The following DMXL2 variants were observed in gnomAD, a reference collection of about 807,000 sequenced individuals.
DMXL2 encodes dmX-like protein 2.
In DMXL2, 103 loss-of-function variants were observed where a neutral mutation model predicts 331.1. The observed-to-expected ratio is 0.31, with a 90% CI of 0.27 to 0.37. The LOEUF (loss-of-function observed/expected upper bound fraction) is 0.37, where lower values mean the gene tolerates loss of function less well. DMXL2 is among the 10% of genes least tolerant of loss of function. DMXL2 has a pLI of 1.00. For missense variants in DMXL2, 3,171 were observed against 3,642.9 expected, an observed-to-expected ratio of 0.87 and a Z score of 3.33; for synonymous variants, 1,281 against 1,252.1, an observed-to-expected ratio of 1.02 and a Z score of -0.49.
chr15:51,471,407 T>C lies in DMXL2; in HGVS notation c.7214-6A>G. 6.3e-7 allele frequency: 1 copy of C among 1,576,028 alleles called. No individual in the cohort carries two copies. The highest frequency in any genetic ancestry group is 8.6e-7 in the Non-Finnish European group (1 of 1,159,392). On this transcript the variant is annotated splice_polypyrimidine_tract_variant and splice_region_variant and intron_variant, in intron 28 of 43. Coordinates refer to ENST00000560891, the MANE Select transcript of DMXL2 (RefSeq NM_001378457.1). ...TTCAGAAAGGACAGGAGGTGCTAAATGAAGATAGAAGGAAAAAAAAATCTA... is the reference window on the plus strand; with the variant it reads ...TTCAGAAAGGACAGGAGGTGCTAAACGAAGATAGAAGGAAAAAAAAATCTA...
In DMXL2 at chr15:51,517,184, C is replaced by T. The variant is rs755252504; in HGVS notation, c.2437-17G>A. The T allele has an allele frequency of 5.7e-6, 9 of 1,588,684 alleles. No homozygotes were observed. Among genetic ancestry groups the T allele is most frequent in the Non-Finnish European group, 6.9e-6 (8 of 1,157,136 alleles). ...AATAAGTTTCTGTAAATAAAAAACA[C>T]AAAATGTTAATGGCCAACAAATTAT... On this transcript the variant is annotated splice_polypyrimidine_tract_variant and intron_variant, in intron 13 of 43. Coordinates refer to ENST00000560891, the MANE Select transcript of DMXL2 (RefSeq NM_001378457.1).
Position 51,538,435 on chromosome 15 carries a change from C to G in DMXL2, c.1123G>C (p.Val375Leu), listed in dbSNP as rs760288041. Residue 375 changes from valine (V) to leucine (L), a missense_variant, in exon 10 of 44, where the codon GTT (valine) becomes CTT (leucine). Transcript: ENST00000560891. The stretch of plus-strand genomic sequence containing the variant: ...TCATCAACATTAAATGCAGTGCCAA[C>G]CAAGACATTTGGAATATCTGTGGAA... The part of the protein sequence containing the change: ...NPATDIPNVL[V>L]GTAFNVDDGN... 6.2e-7 allele frequency: 1 copy of G among 1,603,328 alleles called. No homozygotes were observed. Among genetic ancestry groups the G allele is most frequent in the South Asian group, 1.1e-5 (1 of 89,374 alleles).
chr15:51,496,657 A>G (rs1436661237), intron 18 of DMXL2, among the ~76,000 whole-genome samples: 1 of 152,238 alleles, frequency 6.6e-6, no homozygotes, highest in Non-Finnish European at 1.5e-5. Context: ...AAAAGAATAA[A>G]GCAGTTAGGA....
In DMXL2 at chr15:51,536,430, C is replaced by T. The variant is rs1197317345; in HGVS notation, c.2050G>A (p.Asp684Asn). 5 of 1,613,756 alleles carry T rather than the reference C, an allele frequency of 3.1e-6. No homozygotes were observed. The highest frequency in any genetic ancestry group is 1.1e-5 in the South Asian group (1 of 91,066). The change falls in exon 12 of 44, where the codon GAC (aspartate) becomes AAC (asparagine). Residue 684 changes from aspartate (D) to asparagine (N), a missense_variant. Coordinates refer to ENST00000560891, the MANE Select transcript of DMXL2 (RefSeq NM_001378457.1). ...LLTPELDCQW[D>N]SDNKLSRLMD... ...AATCTACTTAATTTATTGTCTGAGT[C>T]CCACTGACAATCTAATTCAGGAGTC... is the stretch of plus-strand genomic sequence containing the variant.
In DMXL2 at chr15:51,622,523, G is replaced by A; in HGVS notation, c.23C>T (p.Thr8Ile). Reference sequence around the variant, plus strand: ...GTTGTCTCCAGGGTTGACAGCTCCGGTGAGGACCTGATGCAGATGCATCTC... The same window carrying A: ...GTTGTCTCCAGGGTTGACAGCTCCGATGAGGACCTGATGCAGATGCATCTC... MHLHQVLTGAVNPGDNCY... is the reference protein window; with the variant it reads MHLHQVLIGAVNPGDNCY... The change falls in exon 1 of 44, where the codon ACC (threonine) becomes ATC (isoleucine). Residue 8 changes from threonine (T) to isoleucine (I), a missense_variant. This residue lies in a region of DMXL2 where 1,674 missense variants were observed against 1,780.2 expected (regional missense o/e 0.94). Coordinates refer to ENST00000560891, the MANE Select transcript of DMXL2 (RefSeq NM_001378457.1). The A allele has an allele frequency of 6.4e-7, 1 of 1,561,222 alleles. No individual in the cohort carries two copies. Among genetic ancestry groups the A allele is most frequent in the Non-Finnish European group, 8.7e-7 (1 of 1,152,166 alleles).
intron 33 of DMXL2, among the ~76,000 whole-genome samples, chr15:51,460,927 T>G (rs2040055929): frequency 1.3e-5 from 2 of 152,188 alleles, no homozygotes; most frequent in African/African-American, 4.8e-5. Flanking sequence ...AAAATTCAGT[T>G]TCTCAATCAT....
chr15:51,458,412 C>CAT, intron 36 of DMXL2, 94 bp downstream of exon 36: 1 of 1,371,344 alleles, frequency 7.3e-7, no homozygotes, highest in Non-Finnish European at 1.0e-6. Context: ...AGGAGATACA[C>CAT]GTATACCTTT....
At chr15:51,514,681 CACT>C in intron 14 of DMXL2, 122 bp from the exon 15 acceptor site, 1 of 642,984 alleles carries the variant, frequency 1.6e-6, no homozygotes, top group Non-Finnish European at 2.7e-6. Flanking sequence ...TATTCTTTAC[CACT>C]ACTAATTAGA....
intron 29 of DMXL2, among the ~76,000 whole-genome samples, chr15:51,470,406 C>T (rs1344932546): frequency 6.6e-6 from 1 of 152,160 alleles, no homozygotes; most frequent in African/African-American, 2.4e-5. Flanking sequence ...GCTGAGGTTA[C>T]AGGTATGAGC....
chr15:51,490,601 C>A (rs759118043), intron 20 of DMXL2, among the ~76,000 whole-genome samples: 13 of 152,162 alleles, frequency 8.5e-5, no homozygotes, highest in Non-Finnish European at 1.6e-4. Context: ...TGTTACCCAT[C>A]CTCTCTGAAT....
chr15:51,507,735 T>C (rs1164890994), intron 15 of DMXL2, among the ~76,000 whole-genome samples: 1 of 151,832 alleles, frequency 6.6e-6, no homozygotes, highest in Non-Finnish European at 1.5e-5. Context: ...CACTTACGCC[T>C]TATTTAGAAA....
chr15:51,549,820 T>C (rs1232995727), intron 6 of DMXL2, among the ~76,000 whole-genome samples: 1 of 152,194 alleles, frequency 6.6e-6, no homozygotes, highest in African/African-American at 2.4e-5. Flanking sequence ...TGGTTTTTTC[T>C]TGCTAATTTG....
chr15:51,545,400 T>C (rs1427780720), intron 8 of DMXL2, among the ~76,000 whole-genome samples, 183 bp downstream of exon 8: 3 of 152,296 alleles, frequency 2.0e-5, no homozygotes, highest in African/African-American at 7.2e-5. Flanking sequence ...CTGAGATCAT[T>C]AATTTCTGCA....
chr15:51,553,166 T>G (rs556149008), intron 6 of DMXL2, among the ~76,000 whole-genome samples: 2 of 152,368 alleles, frequency 1.3e-5, no homozygotes, highest in African/African-American at 4.8e-5. Flanking sequence ...TATTTTTTTC[T>G]GTCTTTCCTC....
chr15:51,598,922 C>T lies in DMXL2; in HGVS notation c.88-22741G>A, dbSNP rs76230399. ...ATCCTGTTCCTTACTAAACTTTCAT[C>T]CATTAGTTTTAGTACTACTATGATG... is the stretch of plus-strand genomic sequence containing the variant. On this transcript the variant is annotated intron_variant, in intron 1 of 43. Coordinates refer to ENST00000560891, the MANE Select transcript of DMXL2 (RefSeq NM_001378457.1). 2.6e-3 allele frequency among the ~76,000 whole-genome samples: 394 copies of T among 152,282 alleles called. 18 individuals are homozygous for T. In the East Asian group the frequency reaches 0.061, roughly 24 times the overall value.
At chr15:51,491,352 A>G (rs138762729) in intron 20 of DMXL2, among the ~76,000 whole-genome samples, 1,595 of 152,202 alleles carry the variant, frequency 0.01, 23 homozygotes, top group African/African-American at 0.037. Flanking sequence ...GAGGCAGGAA[A>G]ATCGCTTGAA....
rs1378722112 is a variant in DMXL2, at chr15:51,459,632, T to C, written c.7955A>G (p.Asn2652Ser). The C allele has an allele frequency of 7.8e-7, 1 of 1,289,750 alleles. No individual in the cohort carries two copies. The highest frequency in any genetic ancestry group is 1.0e-6 in the Non-Finnish European group (1 of 988,888). The allele number at this position is 1,289,750 out of a possible 1,614,324, so 79.9% of individuals were successfully genotyped here. A position where few individuals can be genotyped will look rare whatever the true frequency, so the allele number is the denominator to read the frequency against. The change falls in exon 34 of 44, where the codon AAC becomes AGC. Residue 2652 changes from asparagine to serine, a missense_variant. Transcript: ENST00000560891. ...ESIEEHVEQV[N>S]QNCIAEDCHI... ...GCAATCTTCTGCTATGCAGTTTTGG[T>C]TGACCTGCTCCACATGTTCTTCTAT...
intron 6 of DMXL2, among the ~76,000 whole-genome samples, chr15:51,556,355 G>GAAAAAAAA (rs59460472): frequency 8.4e-6 from 1 of 118,976 alleles, no homozygotes; most frequent in Admixed American, 9.3e-5. Flanking sequence ...AAAAAAAAAA[G>GAAAAAAAA]AAAAAAAAAA....
intron 27 of DMXL2, 35 bp from the exon 28 acceptor site, chr15:51,474,627 A>G: frequency 6.5e-7 from 1 of 1,530,296 alleles, no homozygotes; most frequent in Non-Finnish European, 8.8e-7. Flanking sequence ...GACGTATGTC[A>G]GGATGAAGCA....
Sources: allele counts gnomAD v4.1 joint callset (sites outside exome capture counted in the v4.1 genomes callset), GRCh38; gene constraint gnomAD v4.1.1; regional missense constraint gnomAD v4.1.1; transcripts MANE v1.5; gene names NCBI Gene and HGNC (gene_info 2026-07-23, HGNC 2026-07-21).